Variants in VWF observed in about 807,000 individuals in gnomAD.
VWF encodes the protein von Willebrand factor.
Under a neutral mutation model 308.6 loss-of-function variants are expected in VWF, and 176 were observed. The ratio of observed to expected loss-of-function variants is 0.57; its 90% CI spans 0.50 to 0.65. The LOEUF (loss-of-function observed/expected upper bound fraction) is 0.65. VWF is among the 30% of genes least tolerant of loss of function. VWF has a pLI of 0.00. For synonymous variants in VWF, 1,385 were observed against 1,443.4 expected (o/e 0.96, Z 0.92); for missense variants, 3,146 against 3,648.2 (o/e 0.86, Z 3.55).
chr12:5,967,472 T>G lies in VWF; in HGVS notation c.7887+14A>C. On this transcript the variant is annotated intron_variant, in intron 47 of 51. Transcript: ENST00000261405. ...TCCAGTCCATGCCCTCGGTCCCCAT[T>G]GAGCCTCTCTTACCAGGGGGCAGGG... The G allele has an allele frequency of 7.0e-5, 112 of 1,611,182 alleles. No homozygotes were observed. The highest frequency in any genetic ancestry group is 8.7e-5 in the Non-Finnish European group (103 of 1,177,396).
intron 47 of VWF, among the ~76,000 whole-genome samples, chr12:5,964,148 C>T (rs910409364): frequency 6.7e-6 from 1 of 149,144 alleles, no homozygotes; most frequent in Non-Finnish European, 1.5e-5. Flanking sequence ...ACCTGGGAGG[C>T]GGGGCTTGCA....
chr12:5,980,568 A>C (rs1000945880), intron 42 of VWF, among the ~76,000 whole-genome samples: 56 of 152,318 alleles, frequency 3.7e-4, no homozygotes, highest in Admixed American at 1.0e-3. Context: ...AGAAACATTA[A>C]TAGAAAAACA....
At chr12:6,052,022 A>G (rs531122184) in intron 16 of VWF, among the ~76,000 whole-genome samples, 6 of 152,308 alleles carry the variant, frequency 3.9e-5, no homozygotes, top group Admixed American at 3.9e-4. Flanking sequence ...GCTCATGGCA[A>G]CCCTGTTGAA....
At position 6,058,651 on chromosome 12, in the gene VWF, G is replaced by A. The variant is rs1367186434; in HGVS notation, c.1534-607C>T. Among the ~76,000 whole-genome samples the A allele has an allele frequency of 2.0e-5, 3 of 152,184 alleles. No individual in the cohort carries two copies. The highest frequency in any genetic ancestry group is 4.8e-5 in the African/African-American group (2 of 41,436). Reference sequence around the variant, plus strand: ...GGCATCACTGAAGAGAAAGGGCCACGAGCCACAGAAGACTCTGAGGGTGAT... The same window carrying A: ...GGCATCACTGAAGAGAAAGGGCCACAAGCCACAGAAGACTCTGAGGGTGAT... On this transcript the variant is annotated intron_variant, in intron 13 of 51. Transcript: ENST00000261405. The surrounding 1 kb of genome is among the most constrained non-coding windows in gnomAD (Gnocchi z 4.9).
rs911647159 is a variant in VWF, at chr12:6,044,622, G to A, written c.2282-171C>T. 5.3e-5 allele frequency among the ~76,000 whole-genome samples: 8 copies of A among 152,140 alleles called. No individual in the cohort carries two copies. The East Asian group carries it at 1.2e-3, about 22-fold the overall frequency. On this transcript the variant is annotated intron_variant, in intron 17 of 51. Transcript: ENST00000261405. ...AGGGTCCCTGTGTGGGACTGGGAGG[G>A]CATCTTCTCACCTGGGCTTCTGACC... is the stretch of plus-strand genomic sequence containing the variant.
rs748986187 is a variant in VWF at position 5,996,118 on chromosome 12, C to A, written c.5947G>T (p.Asp1983Tyr). 62 of 1,614,126 alleles carry A rather than the reference C, an allele frequency of 3.8e-5. No individual in the cohort carries two copies. The highest frequency in any genetic ancestry group is 5.3e-5 in the Non-Finnish European group (62 of 1,180,040). ...SYVLFQNKEQDLEVILHNGAC... is the reference protein window; with the variant it reads ...SYVLFQNKEQYLEVILHNGAC... ...CCATTATGGAGAATCACCTCCAGGT[C>A]CTGCTCCTTGTTTTGAAATAGGACA... The change falls in exon 35 of 52, where the codon GAC becomes TAC. Residue 1983 changes from aspartate (D) to tyrosine (Y), a missense_variant. Physicochemically the swap from Asp to Tyr is radical, Grantham distance 160 (BLOSUM62 -3). Around this residue, in one of 3 missense-constraint regions of VWF, gnomAD observed 989 missense variants for 1,117.4 expected, o/e 0.89. Coordinates refer to ENST00000261405, the MANE Select transcript of VWF (RefSeq NM_000552.5).
chr12:6,073,243 C>G (rs116811595), intron 8 of VWF, among the ~76,000 whole-genome samples: 1 of 152,124 alleles, frequency 6.6e-6, no homozygotes, highest in Non-Finnish European at 1.5e-5. Flanking sequence ...AGTGCAGAGC[C>G]CTTTTTCAGC....
At chr12:6,099,318 CAAAAAAAAA>C (rs1177262693) in intron 5 of VWF, among the ~76,000 whole-genome samples, 17 of 65,604 alleles carry the variant, frequency 2.6e-4, no homozygotes, top group South Asian at 5.9e-4. Flanking sequence ...GACTCTATCT[CAAAAAAAAA>C]AAAAAAAAAA....
At position 5,975,101 on chromosome 12, in the gene VWF, G is replaced by A. The variant is rs755773538; in HGVS notation, c.7437+1010C>T. Among the ~76,000 whole-genome samples, 7 of 152,174 alleles carry A rather than the reference G, an allele frequency of 4.6e-5. No individual in the cohort carries two copies. In the South Asian group the frequency reaches 8.3e-4, roughly 18 times the overall value. On this transcript the variant is annotated intron_variant, in intron 43 of 51. Coordinates refer to ENST00000261405, the MANE Select transcript of VWF (RefSeq NM_000552.5). Reference sequence around the variant, plus strand: ...CACAGGAACACCTGGATACCACAGCGTCATCCTCTCCCAAAGGTACTGAGC... The same window carrying A: ...CACAGGAACACCTGGATACCACAGCATCATCCTCTCCCAAAGGTACTGAGC...
At chr12:5,949,421 T>C (rs1191721812) in intron 51 of VWF, among the ~76,000 whole-genome samples, 1 of 152,182 alleles carries the variant, frequency 6.6e-6, no homozygotes. Flanking sequence ...CACACCCCTC[T>C]AGCTGCAATT....
intron 38 of VWF, among the ~76,000 whole-genome samples, chr12:5,991,522 T>A (rs1226027512): frequency 1.3e-5 from 2 of 152,224 alleles, no homozygotes; most frequent in African/African-American, 4.8e-5. Context: ...GATTTCTGTA[T>A]CATTCTGCTT....
Position 6,025,577 on chromosome 12 carries a change from C to G in VWF, c.3222+3G>C. On this transcript the variant is annotated splice_donor_region_variant and intron_variant, in intron 24 of 51. Transcript: ENST00000261405. ...TGCTTCCCACTACCCTCAAGGTCCT[C>G]ACCAGCTTGTTGCAGTCCTGGAAGA... 1 of 1,484,954 alleles carries G rather than the reference C, an allele frequency of 6.7e-7. No individual in the cohort carries two copies. Among genetic ancestry groups the G allele is most frequent in the South Asian group, 1.1e-5 (1 of 88,078 alleles). The allele number at this position is 1,484,954 out of a possible 1,614,324, so 92.0% of individuals were successfully genotyped here.
chr12:5,949,667 T>A (rs1209022346), intron 51 of VWF, 119 bp downstream of exon 51: 1 of 1,108,274 alleles, frequency 9.0e-7, no homozygotes, highest in Non-Finnish European at 1.4e-6. Context: ...GCTTCCAGTT[T>A]ATTTCCCTTC....
chr12:5,992,166 TA>T, intron 37 of VWF, 148 bp from the exon 38 acceptor site: 1 of 743,124 alleles, frequency 1.3e-6, no homozygotes, highest in Non-Finnish European at 2.3e-6. Context: ...CCACCTTCCA[TA>T]GAAACAGAAC....
At chr12:5,955,374 C>A (rs927801109) in intron 47 of VWF, among the ~76,000 whole-genome samples, 27 of 152,088 alleles carry the variant, frequency 1.8e-4, no homozygotes, top group South Asian at 2.1e-4. Flanking sequence ...CCACTCCCCC[C>A]ACCCCACACC....
chr12:6,021,863 G>A, intron 27 of VWF, 37 bp downstream of exon 27: 1 of 1,613,928 alleles, frequency 6.2e-7, no homozygotes, highest in East Asian at 2.2e-5. Context: ...GAAGCAATAA[G>A]ATTCATCACT....
rs767567453 is a variant in VWF, at chr12:6,018,395, G to A, written c.5023C>T (p.Leu1675=). The A allele has an allele frequency of 2.5e-5, 41 of 1,612,186 alleles. 1 individual carries two copies. The highest frequency in any genetic ancestry group is 3.6e-4 in the Middle Eastern group (2 of 5,572). The part of the protein sequence containing the change: ...VLQRCCSGEG[L]QIPTLSPAPD... Reference sequence around the variant, plus strand: ...GCAGGGGAGAGGGTGGGGATCTGCAGCCCCTCTCCGGAGCAGCACCTCTGC... The same window carrying A: ...GCAGGGGAGAGGGTGGGGATCTGCAACCCCTCTCCGGAGCAGCACCTCTGC... Residue 1675 remains leucine (L), a synonymous_variant, in exon 28 of 52, where the codon CTG becomes TTG. Transcript: ENST00000261405.
In VWF at chr12:6,021,980, C is replaced by A. The variant is rs368522060; in HGVS notation, c.3594G>T (p.Val1198=). 2.5e-6 allele frequency: 4 copies of A among 1,614,082 alleles called. No homozygotes were observed. The highest frequency in any genetic ancestry group is 2.7e-5 in the African/African-American group (2 of 74,912). The change falls in exon 27 of 52, where the codon GTG becomes GTT. Residue 1198 remains valine, a synonymous_variant. Coordinates refer to ENST00000261405, the MANE Select transcript of VWF (RefSeq NM_000552.5). ...QTCVDPEDCP[V]CEVAGRRFAS... ...CAAAACGCCGGCCAGCCACCTCACACACTGGACAGTCTTCAGGGTCAACGC... is the reference window on the plus strand; with the variant it reads ...CAAAACGCCGGCCAGCCACCTCACAAACTGGACAGTCTTCAGGGTCAACGC...
At chr12:6,113,554 A>G (rs1197038577) in intron 3 of VWF, among the ~76,000 whole-genome samples, 1 of 152,190 alleles carries the variant, frequency 6.6e-6, no homozygotes, top group African/African-American at 2.4e-5. Context: ...TGGGCCTCCC[A>G]AAGTGCTAGG....
Sources: allele counts gnomAD v4.1 joint callset (sites outside exome capture counted in the v4.1 genomes callset), GRCh38; gene constraint gnomAD v4.1.1; regional missense constraint gnomAD v4.1.1; non-coding constraint Gnocchi (gnomAD v3.1); transcripts MANE v1.5; gene names NCBI Gene and HGNC (gene_info 2026-07-23, HGNC 2026-07-21).